ROBO3: variants seen among roughly 807,000 people sequenced by gnomAD.
ROBO3 encodes the protein roundabout guidance receptor 3.
A neutral mutation model predicts 160.5 loss-of-function variants in ROBO3; 97 were observed. The observed-to-expected ratio is 0.60, with a 90% CI of 0.51 to 0.72. The LOEUF (loss-of-function observed/expected upper bound fraction) is 0.72, where lower values mean the gene tolerates loss of function less well. Among genes scored for constraint, ROBO3 ranks in the 30% least tolerant of loss-of-function variants. ROBO3 has a pLI of 0.00. For missense variants in ROBO3, 1,858 were observed against 1,846.5 expected (o/e 1.01, Z -0.11); for synonymous variants, 780 against 746.2 (o/e 1.05, Z -0.74).
At chr11:124,866,027 GGGCA>G (rs1946191741) in intron 1 of ROBO3, among the ~76,000 whole-genome samples, 1 of 152,190 alleles carries the variant, frequency 6.6e-6, no homozygotes, top group Non-Finnish European at 1.5e-5. Flanking sequence ...TGCTGGTAAC[GGGCA>G]GGGAAGTCCG....
chr11:124,870,402 C>G, intron 5 of ROBO3, 99 bp downstream of exon 5: 2 of 1,501,772 alleles, frequency 1.3e-6, no homozygotes, highest in Admixed American at 2.0e-5. Context: ...CTTGAGAACA[C>G]AGAGAAGTCT....
At chr11:124,879,722 C>A in intron 25 of ROBO3, 65 bp from the exon 26 acceptor site, 1 of 1,598,868 alleles carries the variant, frequency 6.3e-7, no homozygotes, top group Non-Finnish European at 8.5e-7. Context: ...CCAGGGAATG[C>A]AGGTGAGAGA....
At position 124,876,568 on chromosome 11, in the gene ROBO3, G is replaced by C; in HGVS notation, c.2779+108G>C. On this transcript the variant is annotated intron_variant, in intron 17 of 27. Coordinates refer to ENST00000397801, the MANE Select transcript of ROBO3 (RefSeq NM_022370.4). The surrounding 1 kb of genome is among the most constrained non-coding windows in gnomAD (Gnocchi z 5.3). ...AGTGAGGACCGGGTCGGGAGAAAGG[G>C]GTCGCACCTGGAGTTCAGCCTCTTG... 1 of 945,420 alleles carries C rather than the reference G, an allele frequency of 1.1e-6. No homozygotes were observed. Among genetic ancestry groups the C allele is most frequent in the Non-Finnish European group, 1.4e-6 (1 of 698,162 alleles). The allele number at this position is 945,420 out of a possible 1,614,324, so 58.6% of individuals were successfully genotyped here.
intron 20 of ROBO3, 131 bp from the exon 21 acceptor site, chr11:124,877,806 C>T: frequency 8.3e-7 from 1 of 1,206,626 alleles, no homozygotes; most frequent in Non-Finnish European, 1.2e-6. Flanking sequence ...AGACCTACCT[C>T]CACCCTGGTT....
Position 124,879,175 on chromosome 11 carries a change from C to T in ROBO3, c.3534-15C>T, listed in dbSNP as rs1946489608. The T allele has an allele frequency of 3.2e-6, 5 of 1,549,406 alleles. No homozygotes were observed. In the South Asian group the frequency reaches 6.0e-5, roughly 18 times the overall value. On this transcript the variant is annotated splice_polypyrimidine_tract_variant and intron_variant, in intron 23 of 27. Coordinates refer to ENST00000397801, the MANE Select transcript of ROBO3 (RefSeq NM_022370.4). ...TTGTGGAGGGAACAGAGGCTGCGGC[C>T]TCCTGTCATTGCAGGAGGGTGCCCC...
chr11:124,879,827 G>A lies in ROBO3; in HGVS notation c.3837G>A (p.Ala1279=), dbSNP rs750156908. ...PPPLPPPEEE[A]SWALELRAAG... ...CCTTGCCACCGCCAGAGGAAGAGGCGAGCTGGGCCCTAGAGCTGAGGGCAG... is the reference window on the plus strand; with the variant it reads ...CCTTGCCACCGCCAGAGGAAGAGGCAAGCTGGGCCCTAGAGCTGAGGGCAG... Residue 1279 remains alanine, a synonymous_variant, in exon 26 of 28, where the codon GCG becomes GCA. Transcript: ENST00000397801. 15 of 1,613,908 alleles carry A rather than the reference G, an allele frequency of 9.3e-6. No individual in the cohort carries two copies. In the East Asian group the frequency reaches 2.0e-4, roughly 22 times the overall value.
intron 27 of ROBO3, 91 bp from the exon 28 acceptor site, chr11:124,881,148 T>A (rs1177312366): frequency 1.5e-6 from 2 of 1,300,064 alleles, no homozygotes; most frequent in Non-Finnish European, 2.2e-6. Flanking sequence ...GTAGGAGAAC[T>A]GGGTTAGGAG....
At chr11:124,868,112 A>T (rs1946226184) in intron 1 of ROBO3, among the ~76,000 whole-genome samples, 1 of 152,184 alleles carries the variant, frequency 6.6e-6, no homozygotes, top group Non-Finnish European at 1.5e-5. Context: ...CTGTCAGGAA[A>T]AGGAGCCTTA....
chr11:124,880,344 A>C, intron 26 of ROBO3, 74 bp from the exon 27 acceptor site: 1 of 1,573,106 alleles, frequency 6.4e-7, no homozygotes, highest in Non-Finnish European at 8.6e-7. Flanking sequence ...GCCTGTGGTC[A>C]GGGTGGCAGG....
At position 124,870,187 on chromosome 11, in the gene ROBO3, A is replaced by C. The variant is rs1310551411; in HGVS notation, c.789A>C (p.Arg263Ser). ...TAGAGCGTCCCTCATTCCTGCGCAG[A>C]CCAGTGAATCAGGTGGTCCTGGCTG... ...MVLERPSFLRRPVNQVVLADA... is the reference protein window; with the variant it reads ...MVLERPSFLRSPVNQVVLADA... The change falls in exon 5 of 28, where the codon AGA becomes AGC. Residue 263 changes from arginine (R) to serine (S), a missense_variant. Arg to Ser is a moderately radical substitution (Grantham distance 110). Coordinates refer to ENST00000397801, the MANE Select transcript of ROBO3 (RefSeq NM_022370.4). The C allele has an allele frequency of 6.2e-7, 1 of 1,613,988 alleles. No homozygotes were observed. The highest frequency in any genetic ancestry group is 1.1e-5 in the South Asian group (1 of 91,084).
rs1040145681 is a variant in ROBO3 at position 124,869,315 on chromosome 11, CTGA to C, written c.488-133_488-131del. On this transcript the variant is annotated intron_variant, in intron 2 of 27. Transcript: ENST00000397801. The surrounding 1 kb of genome is among the most constrained non-coding windows in gnomAD (Gnocchi z 4.2). ...AGAAGGAAGTGGATCTGACTCCAGG[CTGA>C]TATTTTCTCACCTGGGAACGAATTC... is the stretch of plus-strand genomic sequence containing the variant. 23 of 1,098,358 alleles carry C rather than the reference CTGA, an allele frequency of 2.1e-5. No homozygotes were observed. In the South Asian group the frequency reaches 2.3e-4, roughly 11 times the overall value. The allele number at this position is 1,098,358 out of a possible 1,614,324, so 68.0% of individuals were successfully genotyped here.
chr11:124,876,175 G>GC lies in ROBO3; in HGVS notation c.2593+56dup. 1 of 1,551,760 alleles carries GC rather than the reference G, an allele frequency of 6.4e-7. No homozygotes were observed. The highest frequency in any genetic ancestry group is 8.7e-7 in the Non-Finnish European group (1 of 1,155,024). On this transcript the variant is annotated intron_variant, in intron 16 of 27. Transcript: ENST00000397801. The surrounding 1 kb of genome is among the most constrained non-coding windows in gnomAD (Gnocchi z 5.3). ...GAGGATCTTGACGGGGGCGGGGCAA[G>GC]CCCCCCACTGGGGTAGCTGTGCCTG...
chr11:124,866,981 A>G (rs1946205741), intron 1 of ROBO3, among the ~76,000 whole-genome samples: 1 of 152,056 alleles, frequency 6.6e-6, no homozygotes, highest in Non-Finnish European at 1.5e-5. Flanking sequence ...GAGTGTTTTC[A>G]CCATACTTTG....
chr11:124,870,221 G>A lies in ROBO3; in HGVS notation c.823G>A (p.Val275Met). 2 of 1,614,058 alleles carry A rather than the reference G, an allele frequency of 1.2e-6. No individual in the cohort carries two copies. Among genetic ancestry groups the A allele is most frequent in the South Asian group, 2.2e-5 (2 of 91,086 alleles). ...TCAGGTGGTCCTGGCTGATGCCCCT[G>A]TGACTTTCCTATGTGAGGTGAAGGG... ...VNQVVLADAP[V>M]TFLCEVKGDP... is the part of the protein sequence containing the mutation. The change falls in exon 5 of 28, where the codon GTG (valine) becomes ATG (methionine). Residue 275 changes from valine to methionine, a missense_variant. Val to Met is a conservative substitution (Grantham distance 21). Transcript: ENST00000397801.
rs747503043 is a variant in ROBO3 at position 124,868,788 on chromosome 11, C to A, written c.161-14C>A. The A allele has an allele frequency of 6.3e-7, 1 of 1,596,502 alleles. No individual in the cohort carries two copies. Among genetic ancestry groups the A allele is most frequent in the African/African-American group, 1.3e-5 (1 of 74,730 alleles). ...TTCCCTGTCTGAACGCTCTGCGCCA[C>A]CCCCTGTCCCCAGGGTCAAGGGTAG... On this transcript the variant is annotated splice_polypyrimidine_tract_variant and intron_variant, in intron 1 of 27. Transcript: ENST00000397801.
chr11:124,865,708 TGCTGCCTCCCGGC>T lies in ROBO3; in HGVS notation c.133_145del (p.Leu45IlefsTer9). 3 of 1,610,746 alleles carry T rather than the reference TGCTGCCTCCCGGC, an allele frequency of 1.9e-6. No homozygotes were observed. Among genetic ancestry groups the T allele is most frequent in the Non-Finnish European group, 2.5e-6 (3 of 1,178,942 alleles). ...TCGCTGGCGGCGCTCAACCACACCC[TGCTGCCTCCCGGC>T]GATCCCTCTCTCAACGGTGAGACCC... On this transcript the variant is annotated frameshift_variant, in exon 1 of 28. Transcript: ENST00000397801. LOFTEE classifies it high-confidence loss of function. The surrounding 1 kb of genome is among the most constrained non-coding windows in gnomAD (Gnocchi z 5.5).
rs192492714 is a variant in ROBO3 at position 124,878,840 on chromosome 11, C to T, written c.3533+44C>T. On this transcript the variant is annotated intron_variant, in intron 23 of 27. Coordinates refer to ENST00000397801, the MANE Select transcript of ROBO3 (RefSeq NM_022370.4). The surrounding 1 kb of genome is among the most constrained non-coding windows in gnomAD (Gnocchi z 4.3). ...CCTCACTCATTGCAAGCCCTCTATACGTATCTACTCAGTAGATGACTGGGT... is the reference window on the plus strand; with the variant it reads ...CCTCACTCATTGCAAGCCCTCTATATGTATCTACTCAGTAGATGACTGGGT... 1.1e-4 allele frequency: 159 copies of T among 1,482,264 alleles called. 3 individuals carry two copies. In the South Asian group the frequency reaches 1.5e-3, roughly 14 times the overall value. 91.8% of individuals were successfully genotyped at this position (1,482,264 alleles called of 1,614,324 possible). A position where few individuals can be genotyped will look rare whatever the true frequency, so the allele number is the denominator to read the frequency against.
chr11:124,878,662 G>T lies in ROBO3; in HGVS notation c.3399G>T (p.Leu1133=). The change falls in exon 23 of 28, where the codon CTG becomes CTT. Residue 1133 remains leucine (L), a synonymous_variant. Coordinates refer to ENST00000397801, the MANE Select transcript of ROBO3 (RefSeq NM_022370.4). This position sits in a 1 kb window ranked among gnomAD's most constrained non-coding sequence, Gnocchi z 4.3. ...AGCCCAGCTCCAGTGGAGGGTGCCTGGTCACCCCATCCCGAAGGGAAACCC... is the reference window on the plus strand; with the variant it reads ...AGCCCAGCTCCAGTGGAGGGTGCCTTGTCACCCCATCCCGAAGGGAAACCC... The part of the protein sequence containing the change: ...LTEPSSSGGC[L]VTPSRRETPS... The T allele has an allele frequency of 6.2e-7, 1 of 1,613,290 alleles. No homozygotes were observed. Among genetic ancestry groups the T allele is most frequent in the South Asian group, 1.1e-5 (1 of 90,940 alleles).
chr11:124,865,447 G>C lies in ROBO3; in HGVS notation c.-131G>C. On this transcript the variant is annotated 5_prime_UTR_variant, in exon 1 of 28. Coordinates refer to ENST00000397801, the MANE Select transcript of ROBO3 (RefSeq NM_022370.4). This position sits in a 1 kb window ranked among gnomAD's most constrained non-coding sequence, Gnocchi z 5.5. ...GGCACCGACCGTACCCAGGCGCACC[G>C]GCAGGAGAGCGGCACCGTGGCTGCC... is the stretch of plus-strand genomic sequence containing the variant. 1 of 882,152 alleles carries C rather than the reference G, an allele frequency of 1.1e-6. No individual in the cohort carries two copies. Among genetic ancestry groups the C allele is most frequent in the East Asian group, 2.7e-5 (1 of 37,390 alleles). 54.6% of individuals were successfully genotyped at this position (882,152 alleles called of 1,614,324 possible).
Sources: allele counts gnomAD v4.1 joint callset (sites outside exome capture counted in the v4.1 genomes callset), GRCh38; gene constraint gnomAD v4.1.1; non-coding constraint Gnocchi (gnomAD v3.1); transcripts MANE v1.5; gene names NCBI Gene and HGNC (gene_info 2026-07-23, HGNC 2026-07-21).